Variants in POLQ observed in about 807,000 individuals in gnomAD.
The protein encoded by POLQ is DNA polymerase theta, also known as epididymis secretory sperm binding protein.
In POLQ, 233 loss-of-function variants were observed where a neutral mutation model predicts 259.2. The ratio of observed to expected loss-of-function variants is 0.90; its 90% CI spans 0.81 to 1.00. The LOEUF is 1.00. Among genes scored for constraint, POLQ ranks in the 50% least tolerant of loss-of-function variants. The probability of loss-of-function intolerance (pLI) is 0.00; values close to 1 mark genes in which losing one functional copy is unlikely to be tolerated. For missense variants in POLQ, 2,871 were observed against 3,051.6 expected, an observed-to-expected ratio of 0.94 and a Z score of 1.39; for synonymous variants, 1,025 against 1,048.8, an observed-to-expected ratio of 0.98 and a Z score of 0.44.
chr3:121,456,588 AACAG>A (rs1247242314), intron 25 of POLQ, among the ~76,000 whole-genome samples: 11 of 151,942 alleles, frequency 7.2e-5, no homozygotes, highest in Non-Finnish European at 1.5e-4. Flanking sequence ...ATACACCAAT[AACAG>A]ACAAACAGAG....
intron 25 of POLQ, among the ~76,000 whole-genome samples, chr3:121,456,504 C>G (rs1245936714): frequency 1.3e-5 from 2 of 152,204 alleles, no homozygotes; most frequent in Admixed American, 6.5e-5. Context: ...AGCCCAAAAT[C>G]TCCTTAAGCT....
intron 26 of POLQ, among the ~76,000 whole-genome samples, chr3:121,442,936 T>G (rs2047605772): frequency 6.6e-6 from 1 of 152,168 alleles, no homozygotes; most frequent in Non-Finnish European, 1.5e-5. Context: ...CTCAGCTCAT[T>G]GCAACCTCTG....
chr3:121,459,641 A>C (rs1416356001), intron 25 of POLQ, among the ~76,000 whole-genome samples: 1 of 152,096 alleles, frequency 6.6e-6, no homozygotes, highest in Non-Finnish European at 1.5e-5. Context: ...TCAGCCTCCC[A>C]AAGTGCTGGG....
At chr3:121,541,788 G>C (rs1186827826) in intron 2 of POLQ, among the ~76,000 whole-genome samples, 1 of 152,100 alleles carries the variant, frequency 6.6e-6, no homozygotes, top group Non-Finnish European at 1.5e-5. Context: ...CTGCTTTGAG[G>C]AAGTAGATGA....
chr3:121,508,325 G>C (rs527841217), intron 12 of POLQ, among the ~76,000 whole-genome samples: 1 of 152,224 alleles, frequency 6.6e-6, no homozygotes, highest in African/African-American at 2.4e-5. Context: ...TAATGTTTAT[G>C]GGAGAATTTA....
chr3:121,479,748 C>T (rs1401766218), intron 19 of POLQ, among the ~76,000 whole-genome samples: 3 of 151,926 alleles, frequency 2.0e-5, no homozygotes, highest in South Asian at 2.1e-4. Context: ...CCACTGCACC[C>T]GGCTGCCTTA....
Position 121,487,454 on chromosome 3 carries a change from G to T in POLQ, c.5477C>A (p.Ser1826Tyr). ...TPASSSSESL[S>Y]IIDVASDQNL... is the part of the protein sequence containing the mutation. ...TTGGTCACTTGCTACATCAATTATGGACAAACTTTCTGAACTGCTTGAGGC... is the reference window on the plus strand; with the variant it reads ...TTGGTCACTTGCTACATCAATTATGTACAAACTTTCTGAACTGCTTGAGGC... The change falls in exon 16 of 30, where the codon TCC (serine) becomes TAC (tyrosine). Residue 1826 changes from serine (S) to tyrosine (Y), a missense_variant. By Grantham distance (144) the Ser-to-Tyr change is moderately radical. Coordinates refer to ENST00000264233, the MANE Select transcript of POLQ (RefSeq NM_199420.4). The T allele has an allele frequency of 6.2e-7, 1 of 1,613,984 alleles. No homozygotes were observed. Among genetic ancestry groups the T allele is most frequent in the Non-Finnish European group, 8.5e-7 (1 of 1,179,966 alleles).
chr3:121,514,022 C>CAAAA (rs1185320178), intron 9 of POLQ, among the ~76,000 whole-genome samples: 1 of 27,656 alleles, frequency 3.6e-5, no homozygotes, highest in African/African-American at 1.3e-4. Flanking sequence ...AACTCCATCT[C>CAAAA]AAAAAAAAAA....
rs1360733802 is a variant in POLQ, at chr3:121,487,844, G to A, written c.5087C>T (p.Ser1696Phe). 2.5e-6 allele frequency: 4 copies of A among 1,610,068 alleles called. No homozygotes were observed. In the Admixed American group the frequency reaches 6.8e-5, roughly 27 times the overall value. Residue 1696 changes from serine to phenylalanine, a missense_variant, in exon 16 of 30, where the codon TCT becomes TTT. Physicochemically the swap from Ser to Phe is radical, Grantham distance 155 (BLOSUM62 -2). Coordinates refer to ENST00000264233, the MANE Select transcript of POLQ (RefSeq NM_199420.4). ...ETKQVQGISF[S>F]SNNEVKSKIE... ...CTTGCTTTTTACTTCATTATTAGAA[G>A]AAAATGAAATTCCCTGCACTTGTTT...
At chr3:121,524,421 T>G (rs2048358628) in intron 7 of POLQ, among the ~76,000 whole-genome samples, 2 of 152,128 alleles carry the variant, frequency 1.3e-5, no homozygotes, top group African/African-American at 4.8e-5. Flanking sequence ...CTTCCTTGTA[T>G]TTATCTTGAG....
chr3:121,542,452 A>C (rs930931747), intron 2 of POLQ, among the ~76,000 whole-genome samples: 1 of 152,204 alleles, frequency 6.6e-6, no homozygotes, highest in East Asian at 1.9e-4. Context: ...CATATGGTAC[A>C]AAGGCCTAGA....
rs1560097463 is a variant in POLQ, at chr3:121,489,009, C to T, written c.3922G>A (p.Val1308Ile). ...YTTNKTKNNH[V>I]SDLGLVLCDF... ...CAGAGGACTAAACCTAAGTCAGAAACATGATTATTTTTAGTTTTGTTTGTT... is the reference window on the plus strand; with the variant it reads ...CAGAGGACTAAACCTAAGTCAGAAATATGATTATTTTTAGTTTTGTTTGTT... Residue 1308 changes from valine to isoleucine, a missense_variant, in exon 16 of 30, where the codon GTT becomes ATT. Val to Ile is a conservative substitution (Grantham distance 29). This residue lies in a region of POLQ where 2,080 missense variants were observed against 2,126.0 expected (regional missense o/e 0.98). Transcript: ENST00000264233. 1 of 1,613,006 alleles carries T rather than the reference C, an allele frequency of 6.2e-7. No homozygotes were observed.
In POLQ at chr3:121,487,791, G is replaced by T; in HGVS notation, c.5140C>A (p.His1714Asn). 6.2e-7 allele frequency: 1 copy of T among 1,610,168 alleles called. No individual in the cohort carries two copies. Among genetic ancestry groups the T allele is most frequent in the South Asian group, 1.1e-5 (1 of 90,006 alleles). Residue 1714 changes from histidine to asparagine, a missense_variant, in exon 16 of 30, where the codon CAT becomes AAT. This residue lies in a region of POLQ where 2,080 missense variants were observed against 2,126.0 expected (regional missense o/e 0.98). Coordinates refer to ENST00000264233, the MANE Select transcript of POLQ (RefSeq NM_199420.4). ...GGTAAGAGGGATGAGGTTTCATCAT[G>T]ATTGGCATTGTTTTCTAGCATCTCA... ...KIEMLENNAN[H>N]DETSSLLPRK...
chr3:121,493,039 C>T (rs577041178), intron 15 of POLQ, among the ~76,000 whole-genome samples: 3 of 152,178 alleles, frequency 2.0e-5, no homozygotes, highest in African/African-American at 4.8e-5. Context: ...CTTTGGCTCA[C>T]GCCTATAATC....
intron 25 of POLQ, among the ~76,000 whole-genome samples, chr3:121,449,864 A>AT (rs1223631099): frequency 2.0e-5 from 3 of 152,070 alleles, no homozygotes; most frequent in Non-Finnish European, 4.4e-5. Flanking sequence ...TTGTGACTTT[A>AT]TGACGAAGAC....
At chr3:121,499,592 A>G (rs2048151102) in intron 12 of POLQ, among the ~76,000 whole-genome samples, 1 of 152,166 alleles carries the variant, frequency 6.6e-6, no homozygotes, top group South Asian at 2.1e-4. Flanking sequence ...TTCTAATATC[A>G]ATATTCTAAC....
chr3:121,465,903 G>A (rs1269331935), intron 24 of POLQ, among the ~76,000 whole-genome samples: 5 of 152,114 alleles, frequency 3.3e-5, no homozygotes, highest in South Asian at 2.1e-4. Flanking sequence ...AGGGAAAGTC[G>A]CATCTCTCTC....
intron 25 of POLQ, among the ~76,000 whole-genome samples, chr3:121,456,432 G>A (rs1428649565): frequency 3.3e-5 from 5 of 152,086 alleles, no homozygotes; most frequent in Admixed American, 6.6e-5. Flanking sequence ...AGGAAAAGAG[G>A]AAGTCAAATT....
Position 121,436,142 on chromosome 3 carries a change from A to G in POLQ, c.7523T>C (p.Met2508Thr). The G allele has an allele frequency of 6.2e-7, 1 of 1,613,832 alleles. No individual in the cohort carries two copies. Among genetic ancestry groups the G allele is most frequent in the Non-Finnish European group, 8.5e-7 (1 of 1,179,710 alleles). The change falls in exon 28 of 30, where the codon ATG becomes ACG. Residue 2508 changes from methionine (M) to threonine (T), a missense_variant. This residue lies in a region of POLQ where 2,080 missense variants were observed against 2,126.0 expected (regional missense o/e 0.98). Transcript: ENST00000264233. ...TFKSHGHREG[M>T]LQSDQTGLSR... ...CAAACCTGTTTGGTCACTTTGGAGC[A>G]TACCCTCTCGATGACCATGGGATTT...
Sources: allele counts gnomAD v4.1 joint callset (sites outside exome capture counted in the v4.1 genomes callset), GRCh38; gene constraint gnomAD v4.1.1; regional missense constraint gnomAD v4.1.1; transcripts MANE v1.5; gene names NCBI Gene and HGNC (gene_info 2026-07-23, HGNC 2026-07-21).